The following ATP10B variants were observed in gnomAD, a reference collection of about 807,000 sequenced individuals.
ATP10B encodes phospholipid-transporting ATPase VB.
In ATP10B, 122 loss-of-function variants were observed where a neutral mutation model predicts 141.2. That is an observed-to-expected ratio of 0.86 (90% confidence interval 0.75 to 1.00). The LOEUF is 1.00. Among genes scored for constraint, ATP10B ranks in the 50% least tolerant of loss-of-function variants. The probability of loss-of-function intolerance (pLI) is 0.00; values close to 1 mark genes in which losing one functional copy is unlikely to be tolerated. For synonymous variants in ATP10B, 685 were observed against 692.0 expected, an observed-to-expected ratio of 0.99 and a Z score of 0.16; for missense variants, 1,876 against 1,825.3, an observed-to-expected ratio of 1.03 and a Z score of -0.51.
intron 1 of ATP10B, among the ~76,000 whole-genome samples, chr5:160,813,036 G>T (rs1581580624): frequency 6.6e-6 from 1 of 152,254 alleles, no homozygotes; most frequent in African/African-American, 2.4e-5. Context: ...AACAGCTCCA[G>T]TCTACAGCTC....
intron 17 of ATP10B, chr5:160,613,770 T>C (rs760553296): frequency 3.9e-5 from 6 of 152,200 alleles, no homozygotes; most frequent in Non-Finnish European, 7.3e-5. Context: ...ATCTCAAGCT[T>C]TGCACCAGCC....
chr5:160,775,434 T>G (rs1770224265), intron 2 of ATP10B, among the ~76,000 whole-genome samples: 1 of 152,166 alleles, frequency 6.6e-6, no homozygotes, highest in African/African-American at 2.4e-5. Flanking sequence ...TTTTTTAACC[T>G]CTGAGGATTA....
chr5:160,595,569 CA>C (rs1315223777), intron 22 of ATP10B, among the ~76,000 whole-genome samples: 1 of 130,622 alleles, frequency 7.7e-6, no homozygotes, highest in Non-Finnish European at 1.7e-5. Flanking sequence ...AAGAGAGACA[CA>C]AAAAACCCTT....
intron 1 of ATP10B, among the ~76,000 whole-genome samples, chr5:160,817,094 A>G (rs1038779317): frequency 4.6e-5 from 7 of 152,226 alleles, no homozygotes; most frequent in Non-Finnish European, 1.0e-4. Context: ...AACTGGCACA[A>G]GACAGGGATG....
intron 25 of ATP10B, among the ~76,000 whole-genome samples, chr5:160,566,218 C>A (rs188040488): frequency 5.6e-4 from 85 of 152,288 alleles, no homozygotes; most frequent in African/African-American, 1.9e-3. Flanking sequence ...AACTGAGGGA[C>A]TGAGAGATTT....
At chr5:160,588,683 T>C (rs138818889) in intron 24 of ATP10B, among the ~76,000 whole-genome samples, 1 of 152,106 alleles carries the variant, frequency 6.6e-6, no homozygotes, top group African/African-American at 2.4e-5. Context: ...TATTTCTAAA[T>C]CTGTAAAATG....
intron 24 of ATP10B, among the ~76,000 whole-genome samples, chr5:160,579,411 T>G (rs562299131): frequency 3.9e-5 from 6 of 152,368 alleles, no homozygotes; most frequent in Non-Finnish European, 8.8e-5. Flanking sequence ...CAACACCATT[T>G]ATTAAATAGG....
chr5:160,644,089 G>A (rs1378611442), intron 9 of ATP10B, 49 bp downstream of exon 9: 7 of 1,476,952 alleles, frequency 4.7e-6, no homozygotes, highest in East Asian at 2.3e-5. Flanking sequence ...GATTTGGAGG[G>A]GGAAGGATAA....
intron 3 of ATP10B, among the ~76,000 whole-genome samples, chr5:160,702,465 C>A (rs943166958): frequency 6.6e-6 from 1 of 152,174 alleles, no homozygotes; most frequent in African/African-American, 2.4e-5. Flanking sequence ...ATAAATGACA[C>A]TTATTCATGT....
chr5:160,652,995 TTTATATA>T (rs1382407249), intron 7 of ATP10B, among the ~76,000 whole-genome samples: 1 of 63,698 alleles, frequency 1.6e-5, no homozygotes, highest in Non-Finnish European at 3.0e-5. Flanking sequence ...CATATTTATA[TTTATATA>T]TTATATATAT....
chr5:160,597,305 T>C (rs1561639366), intron 22 of ATP10B, among the ~76,000 whole-genome samples: 1 of 152,244 alleles, frequency 6.6e-6, no homozygotes, highest in Non-Finnish European at 1.5e-5. Context: ...AAGGATTCCC[T>C]TTTTAATAAA....
intron 2 of ATP10B, among the ~76,000 whole-genome samples, chr5:160,718,470 C>T (rs533237461): frequency 7.2e-5 from 11 of 152,276 alleles, no homozygotes; most frequent in Non-Finnish European, 1.2e-4. Context: ...CTCAGAATAT[C>T]AGAGACTGGG....
chr5:160,764,347 A>C (rs1011691234), intron 2 of ATP10B, among the ~76,000 whole-genome samples: 4 of 152,214 alleles, frequency 2.6e-5, no homozygotes, highest in Non-Finnish European at 5.9e-5. Flanking sequence ...ACAGCGTATC[A>C]AAAAGATAAT....
rs1044398742 is a variant in ATP10B, at chr5:160,613,053, A to G, written c.2654-128T>C. The G allele has an allele frequency of 1.2e-5, 10 of 868,288 alleles. No homozygotes were observed. The Admixed American group carries it at 2.6e-4, about 22-fold the overall frequency. 53.8% of individuals were successfully genotyped at this position (868,288 alleles called of 1,614,324 possible). ...CACTGTGCTAGGCTGTGTACCCAGG[A>G]TATAACAGTGAACTAGATGGAGCAG... On this transcript the variant is annotated intron_variant, in intron 17 of 25. Coordinates refer to ENST00000327245, the MANE Select transcript of ATP10B (RefSeq NM_025153.3).
At position 160,657,723 on chromosome 5, in the gene ATP10B, T is replaced by C. The variant is rs191783533; in HGVS notation, c.676-8467A>G. On this transcript the variant is annotated intron_variant, in intron 7 of 25. Coordinates refer to ENST00000327245, the MANE Select transcript of ATP10B (RefSeq NM_025153.3). Reference sequence around the variant, plus strand: ...TTCTGTCATTTCTAAAAGGAACTAATTGTTGGCAAAATTGTTAACAATTGT... The same window carrying C: ...TTCTGTCATTTCTAAAAGGAACTAACTGTTGGCAAAATTGTTAACAATTGT... Among the ~76,000 whole-genome samples, 457 of 152,332 alleles carry C rather than the reference T, an allele frequency of 3.0e-3. 2 individuals carry two copies. Among genetic ancestry groups the C allele is most frequent in the Admixed American group, 6.5e-3 (99 of 15,304 alleles).
At chr5:160,873,300 G>C in the ATP10B span, among the ~76,000 whole-genome samples, 1 of 151,908 alleles carries the variant, frequency 6.6e-6, no homozygotes, top group South Asian at 2.1e-4. Context: ...CATTCTTCAC[G>C]GTGAAACTCA....
At position 160,569,672 on chromosome 5, in the gene ATP10B, G is replaced by C; in HGVS notation, c.3762C>G (p.His1254Gln). ...AMEMKTWTIF[H>Q]GVVLLGSFLM... ...GGAAGCTGCCGAGGAGCACGACTCCGTGGAAAATGGTCTGTGGAGGGAAAT... is the reference window on the plus strand; with the variant it reads ...GGAAGCTGCCGAGGAGCACGACTCCCTGGAAAATGGTCTGTGGAGGGAAAT... Residue 1254 changes from histidine (H) to glutamine (Q), a missense_variant, in exon 25 of 26, where the codon CAC (histidine) becomes CAG (glutamine). Physicochemically the swap from His to Gln is conservative, Grantham distance 24. Coordinates refer to ENST00000327245, the MANE Select transcript of ATP10B (RefSeq NM_025153.3). 6.4e-7 allele frequency: 1 copy of C among 1,572,184 alleles called. No homozygotes were observed. The highest frequency in any genetic ancestry group is 8.6e-7 in the Non-Finnish European group (1 of 1,160,316).
chr5:160,618,973 C>T (rs1467341531), intron 15 of ATP10B, among the ~76,000 whole-genome samples: 1 of 152,140 alleles, frequency 6.6e-6, no homozygotes, highest in African/African-American at 2.4e-5. Context: ...TGAAGTCCAA[C>T]AAAACTCTGA....
At chr5:160,755,418 A>T (rs1379784245) in intron 2 of ATP10B, among the ~76,000 whole-genome samples, 1 of 152,200 alleles carries the variant, frequency 6.6e-6, no homozygotes, top group Non-Finnish European at 1.5e-5. Flanking sequence ...CTCAGAGTGC[A>T]TTCACACAAA....
Sources: gnomAD v4.1 joint callset for allele counts (sites outside exome capture counted in the v4.1 genomes callset) on GRCh38, gnomAD v4.1.1 for gene constraint, MANE v1.5 for transcripts, NCBI Gene and HGNC (gene_info 2026-07-23, HGNC 2026-07-21) for gene names.